Variants in BRI3 observed in about 807,000 individuals in gnomAD.
BRI3 encodes brain protein I3.
In BRI3, 6 loss-of-function variants were observed where a neutral mutation model predicts 12.8. That is an observed-to-expected ratio of 0.47 (90% CI 0.26 to 0.93). BRI3 has a LOEUF of 0.93. Ranked by LOEUF, BRI3 falls within the 40% of genes least tolerant of loss-of-function variation. The pLI is 0.15. For synonymous variants in BRI3, 91 were observed against 76.1 expected (o/e 1.20, Z -1.02); for missense variants, 134 against 171.1 (o/e 0.78, Z 1.21).
At chr7:98,291,583 C>G, downstream of BRI3, 1 of 1,047,082 alleles carries the variant, frequency 9.6e-7, no homozygotes, top group South Asian at 2.6e-5. Context: ...TGGAACGACA[C>G]CCCCATCGCT....
At chr7:98,305,032 A>ATTTTTTT (rs1370729691), upstream of BRI3, among the ~76,000 whole-genome samples, 1 of 120,500 alleles carries the variant, frequency 8.3e-6, no homozygotes, top group Non-Finnish European at 1.7e-5. Context: ...CGCCCAGCTA[A>ATTTTTTT]TTTTTTTGTT....
chr7:98,317,339 G>C, the BRI3 span: 4 of 1,613,800 alleles, frequency 2.5e-6, no homozygotes, highest in Non-Finnish European at 3.4e-6. Flanking sequence ...GTTCTGTTTG[G>C]TATCTTTTTA....
Position 98,281,705 on chromosome 7 carries a change from G to A in BRI3, c.-91G>A, listed in dbSNP as rs1799518841. On this transcript the variant is annotated 5_prime_UTR_variant, in exon 1 of 3. Coordinates refer to ENST00000297290, the MANE Select transcript of BRI3 (RefSeq NM_015379.5). ...TGCCTCAGAGGGGCCCGAGCCACCCGGTCCGCCGCGTCCCCGCCGCCGCCG... is the reference window on the plus strand; with the variant it reads ...TGCCTCAGAGGGGCCCGAGCCACCCAGTCCGCCGCGTCCCCGCCGCCGCCG... 5.1e-6 allele frequency: 2 copies of A among 390,074 alleles called. No individual in the cohort carries two copies. Among genetic ancestry groups the A allele is most frequent in the South Asian group, 2.0e-4 (2 of 10,076 alleles). 24.2% of individuals were successfully genotyped at this position (390,074 alleles called of 1,614,324 possible).
chr7:98,283,355 TAGC>T (rs1361734721), intron 2 of BRI3, among the ~76,000 whole-genome samples: 5 of 152,084 alleles, frequency 3.3e-5, no homozygotes, highest in Non-Finnish European at 5.9e-5. Flanking sequence ...TTCAGAGCCT[TAGC>T]AGGCAACTTC....
chr7:98,318,483 T>C, the BRI3 span, among the ~76,000 whole-genome samples: 1 of 151,824 alleles, frequency 6.6e-6, no homozygotes, highest in South Asian at 2.1e-4. Flanking sequence ...GGTTTCACCA[T>C]GTCAGCCAGG....
chr7:98,293,941 T>TC, downstream of BRI3: 4 of 1,045,822 alleles, frequency 3.8e-6, no homozygotes, highest in Non-Finnish European at 5.7e-6. Context: ...GGGGCTGCAC[T>TC]CCCCCATGGC....
downstream of BRI3, chr7:98,310,605 CTT>C: frequency 6.5e-7 from 1 of 1,550,066 alleles, no homozygotes; most frequent in Non-Finnish European, 8.6e-7. Flanking sequence ...GTGAAAAATT[CTT>C]TATTAGTCCA....
upstream of BRI3, among the ~76,000 whole-genome samples, chr7:98,303,551 A>G (rs1380289539): frequency 2.6e-5 from 4 of 152,260 alleles, no homozygotes; most frequent in East Asian, 5.8e-4. Context: ...GCTTCCTATC[A>G]CTAGAACAGA....
chr7:98,323,405 A>C, the BRI3 span: 1 of 152,232 alleles, frequency 6.6e-6, no homozygotes, highest in East Asian at 1.9e-4. Flanking sequence ...CTTAAAATAC[A>C]TAAATAAATA....
intron 1 of BRI3, among the ~76,000 whole-genome samples, chr7:98,298,185 G>A (rs1044073074): frequency 8.5e-5 from 13 of 152,224 alleles, no homozygotes; most frequent in Non-Finnish European, 1.3e-4. Flanking sequence ...AATAAGACGC[G>A]CCGTCACAGG....
At chr7:98,292,321 A>C (rs1029992419), downstream of BRI3, 3 of 351,186 alleles carry the variant, frequency 8.5e-6, no homozygotes, top group Non-Finnish European at 1.6e-5. Context: ...TCCCGGGTTC[A>C]AGTGATTCTC....
exon 2 of BRI3, chr7:98,307,652 T>A (rs965583499): frequency 2.5e-6 from 4 of 1,610,172 alleles, no homozygotes; most frequent in Non-Finnish European, 3.4e-6. Context: ...GGAGGGGCCG[T>A]CTGGTGCCCT....
At chr7:98,308,670 A>G (rs557978264) in exon 2 of BRI3, 2 of 230,922 alleles carry the variant, frequency 8.7e-6, no homozygotes, top group South Asian at 1.3e-4. Context: ...AGAAAAAAAT[A>G]TATATATATG....
the BRI3 span, among the ~76,000 whole-genome samples, chr7:98,320,535 C>T: frequency 2.0e-5 from 3 of 152,122 alleles, no homozygotes; most frequent in African/African-American, 7.2e-5. Flanking sequence ...AGGGTTTCAT[C>T]GTGTTGGCCA....
chr7:98,289,716 A>C (rs747153489), intron 2 of BRI3, among the ~76,000 whole-genome samples: 5 of 152,228 alleles, frequency 3.3e-5, no homozygotes, highest in Non-Finnish European at 5.9e-5. Flanking sequence ...TGGTGGGAGC[A>C]AAGCTTTTCT....
At chr7:98,306,437 ACCTTG>A, upstream of BRI3, 1 of 1,614,162 alleles carries the variant, frequency 6.2e-7, no homozygotes, top group East Asian at 2.2e-5. Context: ...GTTCAGGGCT[ACCTTG>A]GCGTGGGCAC....
the BRI3 span, chr7:98,315,673 C>G: frequency 2.3e-6 from 2 of 887,732 alleles, no homozygotes; most frequent in Non-Finnish European, 3.0e-6. Context: ...CATCAGATAG[C>G]GTGCAGCCTG....
intron 1 of BRI3, chr7:98,307,351 C>A: frequency 1.8e-6 from 2 of 1,096,700 alleles, no homozygotes; most frequent in Non-Finnish European, 2.3e-6. Flanking sequence ...GGTGATCTGC[C>A]CGCCTTAGCC....
At chr7:98,288,755 A>G (rs886847892) in intron 2 of BRI3, among the ~76,000 whole-genome samples, 4 of 151,284 alleles carry the variant, frequency 2.6e-5, no homozygotes, top group Admixed American at 2.0e-4. Flanking sequence ...AATGCATACC[A>G]CTGTGTCTGG....
Sources: allele counts gnomAD v4.1 joint callset (sites outside exome capture counted in the v4.1 genomes callset), GRCh38; gene constraint gnomAD v4.1.1; transcripts MANE v1.5; gene names NCBI Gene and HGNC (gene_info 2026-07-23, HGNC 2026-07-21).